The following HMG20A variants were observed in gnomAD, a reference collection of about 807,000 sequenced individuals.
HMG20A encodes the protein high mobility group protein 20A.
In HMG20A, 17 loss-of-function variants were observed where a neutral mutation model predicts 43.9. The ratio of observed to expected loss-of-function variants is 0.39; its 90% CI spans 0.27 to 0.58. HMG20A has a LOEUF of 0.58. Among genes scored for constraint, HMG20A ranks in the 20% least tolerant of loss-of-function variants. The probability of loss-of-function intolerance (pLI) is 0.59; values close to 1 mark genes in which losing one functional copy is unlikely to be tolerated. For missense variants in HMG20A, 341 were observed against 438.2 expected (o/e 0.78, Z 1.98); for synonymous variants, 132 against 147.5 (o/e 0.89, Z 0.76).
At chr15:77,435,854 C>A (rs1173740230) in intron 1 of HMG20A, among the ~76,000 whole-genome samples, 9 of 151,576 alleles carry the variant, frequency 5.9e-5, no homozygotes, top group Admixed American at 5.9e-4. Context: ...TGACACCACG[C>A]ATTCCTGGCT....
the HMG20A span, among the ~76,000 whole-genome samples, chr15:77,514,452 C>A: frequency 7.0e-6 from 1 of 143,672 alleles, no homozygotes; most frequent in Non-Finnish European, 1.5e-5. Flanking sequence ...ATAGTGGCTA[C>A]ACACATGTTT....
intron 1 of HMG20A, among the ~76,000 whole-genome samples, chr15:77,423,376 G>A (rs1223490382): frequency 1.3e-5 from 2 of 151,918 alleles, no homozygotes; most frequent in East Asian, 3.8e-4. Context: ...GTCCTCCAAA[G>A]GTTTTTTTTT....
At chr15:77,436,305 TTGATTCTAC>T (rs1192400426) in intron 1 of HMG20A, among the ~76,000 whole-genome samples, 1 of 152,146 alleles carries the variant, frequency 6.6e-6, no homozygotes, top group African/African-American at 2.4e-5. Flanking sequence ...CAAGATTCTA[TTGATTCTAC>T]CTCCTAAATA....
the HMG20A span, among the ~76,000 whole-genome samples, chr15:77,512,696 T>G: frequency 1.3e-5 from 2 of 152,154 alleles, no homozygotes; most frequent in Non-Finnish European, 2.9e-5. Context: ...GAATCATTAA[T>G]GGATACTAAA....
chr15:77,507,464 G>A, the HMG20A span, among the ~76,000 whole-genome samples: 16 of 152,304 alleles, frequency 1.1e-4, no homozygotes, highest in African/African-American at 3.6e-4. Context: ...TTCCCCTGAG[G>A]AAAACTGAGT....
chr15:77,512,378 C>CCG, the HMG20A span, among the ~76,000 whole-genome samples: 1 of 151,844 alleles, frequency 6.6e-6, no homozygotes, highest in African/African-American at 2.4e-5. Flanking sequence ...GAATGGTACA[C>CCG]TAAAGCTGTT....
intron 6 of HMG20A, among the ~76,000 whole-genome samples, chr15:77,472,398 C>T (rs1470070306): frequency 6.6e-6 from 1 of 152,194 alleles, no homozygotes; most frequent in Non-Finnish European, 1.5e-5. Flanking sequence ...CCTCAGCCTC[C>T]CGAGTAGCTG....
Position 77,478,440 on chromosome 15 carries a change from A to T in HMG20A, c.837A>T (p.Thr279=), listed in dbSNP as rs1219408297. Residue 279 remains threonine, a synonymous_variant, in exon 8 of 10, where the codon ACA becomes ACT. Coordinates refer to ENST00000336216, the MANE Select transcript of HMG20A (RefSeq NM_001304504.2). ...TGATCCAGGAGCGGAGCCGCAACAC[A>T]GTCTTACAGCAGCACCTGGAGACCC... ...VDVIQERSRN[T]VLQQHLETLR... The T allele has an allele frequency of 1.9e-6, 3 of 1,612,534 alleles. No individual in the cohort carries two copies. In the African/African-American group the frequency reaches 4.0e-5, roughly 22 times the overall value.
intron 1 of HMG20A, among the ~76,000 whole-genome samples, chr15:77,448,676 A>G (rs1674954572): frequency 6.6e-6 from 1 of 152,162 alleles, no homozygotes; most frequent in South Asian, 2.1e-4. Flanking sequence ...TGTTTTGGTC[A>G]TTGCTGTATT....
At chr15:77,468,732 A>C (rs1488668451) in intron 4 of HMG20A, among the ~76,000 whole-genome samples, 1 of 152,156 alleles carries the variant, frequency 6.6e-6, no homozygotes, top group Non-Finnish European at 1.5e-5. Context: ...TGTGTATGTC[A>C]AAGAATATTT....
intron 1 of HMG20A, among the ~76,000 whole-genome samples, chr15:77,446,175 A>G (rs747985252): frequency 8.5e-5 from 13 of 152,190 alleles, no homozygotes; most frequent in Non-Finnish European, 1.6e-4. Flanking sequence ...CTGTGAATGT[A>G]TTAGGATAAT....
chr15:77,519,322 A>G, the HMG20A span, among the ~76,000 whole-genome samples: 1 of 152,134 alleles, frequency 6.6e-6, no homozygotes, highest in Non-Finnish European at 1.5e-5. Flanking sequence ...AGCTCCACCA[A>G]CTCCAACGCC....
chr15:77,471,733 T>A, intron 5 of HMG20A, 50 bp from the exon 6 acceptor site: 6 of 1,266,510 alleles, frequency 4.7e-6, no homozygotes, highest in Non-Finnish European at 6.9e-6. Context: ...TGGGTTTTGT[T>A]ATTGCTTTCT....
chr15:77,465,044 G>A (rs2072742134), intron 3 of HMG20A, among the ~76,000 whole-genome samples: 4 of 151,878 alleles, frequency 2.6e-5, no homozygotes, highest in African/African-American at 7.3e-5. Flanking sequence ...TGGATTACCT[G>A]AGGTCAGGAG....
At chr15:77,497,258 C>T in the HMG20A span, among the ~76,000 whole-genome samples, 7 of 152,252 alleles carry the variant, frequency 4.6e-5, no homozygotes, top group Non-Finnish European at 1.0e-4. Context: ...CTGCTGGTCC[C>T]GTTCCCGAGA....
At chr15:77,459,064 G>A (rs1394362198) in intron 2 of HMG20A, among the ~76,000 whole-genome samples, 3 of 152,190 alleles carry the variant, frequency 2.0e-5, no homozygotes, top group Admixed American at 2.0e-4. Flanking sequence ...TTTTCTAGAT[G>A]TTTAGAAGTT....
intron 2 of HMG20A, among the ~76,000 whole-genome samples, chr15:77,462,090 G>T (rs1440357444): frequency 6.6e-6 from 1 of 152,082 alleles, no homozygotes; most frequent in East Asian, 1.9e-4. Flanking sequence ...AGGACAGTCT[G>T]CTTCCTGTTT....
In HMG20A at chr15:77,471,789, C is replaced by T; in HGVS notation, c.590C>T (p.Ala197Val). 1.3e-6 allele frequency: 2 copies of T among 1,573,296 alleles called. No individual in the cohort carries two copies. Among genetic ancestry groups the T allele is most frequent in the African/African-American group, 1.4e-5 (1 of 73,456 alleles). Residue 197 changes from alanine (A) to valine (V), a missense_variant, in exon 6 of 10, where the codon GCC becomes GTC. Ala to Val is a moderately conservative substitution (Grantham distance 64). Transcript: ENST00000336216. ...QKGKSHRQDA[A>V]RQATHDHEKE... ...TATTCTTTTATATTTTTAGATGCAG[C>T]CCGGCAGGCCACTCATGATCATGAG...
chr15:77,510,320 G>A, the HMG20A span, among the ~76,000 whole-genome samples: 2 of 152,218 alleles, frequency 1.3e-5, no homozygotes, highest in Non-Finnish European at 2.9e-5. Context: ...CTGGCAGTGG[G>A]CCTGAACCAG....
Sources: gnomAD v4.1 joint callset for allele counts (sites outside exome capture counted in the v4.1 genomes callset) on GRCh38, gnomAD v4.1.1 for gene constraint, MANE v1.5 for transcripts, NCBI Gene and HGNC (gene_info 2026-07-23, HGNC 2026-07-21) for gene names.